ACTR3C: variants seen among roughly 807,000 people sequenced by gnomAD.
ACTR3C encodes the protein actin related protein 3C, also known as actin-related protein 3C.
Under a neutral mutation model 26.3 loss-of-function variants are expected in ACTR3C, and 18 were observed. The observed-to-expected ratio is 0.68, with a 90% CI of 0.47 to 1.01. The LOEUF (loss-of-function observed/expected upper bound fraction) is 1.01, where lower values mean the gene tolerates loss of function less well. Among genes scored for constraint, ACTR3C ranks in the 50% least tolerant of loss-of-function variants. The probability of loss-of-function intolerance (pLI) is 0.00; values close to 1 mark genes in which losing one functional copy is unlikely to be tolerated. For synonymous variants in ACTR3C, 55 were observed against 94.5 expected (o/e 0.58, Z 2.42); for missense variants, 184 against 250.7 (o/e 0.73, Z 1.80).
chr7:149,991,538 T>A, the ACTR3C span, among the ~76,000 whole-genome samples: 17 of 152,250 alleles, frequency 1.1e-4, no homozygotes, highest in Admixed American at 8.5e-4. Flanking sequence ...CTGTGATTGG[T>A]TTTGTTATCA....
intron 1 of ACTR3C, chr7:150,323,261 CCG>C (rs1797747657): frequency 4.0e-6 from 1 of 247,946 alleles, no homozygotes; most frequent in African/African-American, 2.4e-5. Flanking sequence ...GCGAAGACCC[CCG>C]CAGGCTGCGC....
chr7:150,149,411 G>T, the ACTR3C span, among the ~76,000 whole-genome samples: 110,582 of 150,874 alleles, frequency 0.73, 41,779 homozygotes, highest in East Asian at 0.98. Flanking sequence ...TTATTACATA[G>T]GTATACGTGT....
chr7:149,900,274 T>C, the ACTR3C span, among the ~76,000 whole-genome samples: 56,015 of 151,608 alleles, frequency 0.37, 10,508 homozygotes, highest in East Asian at 0.42. Flanking sequence ...CTCCCGGGTT[T>C]AAGCGATTCT....
chr7:150,030,528 G>T, the ACTR3C span, among the ~76,000 whole-genome samples: 1 of 152,116 alleles, frequency 6.6e-6, no homozygotes, highest in Non-Finnish European at 1.5e-5. Flanking sequence ...TGTATCCCAT[G>T]GTGTCAGCCT....
At chr7:150,318,378 G>A (rs189792933) in intron 1 of ACTR3C, among the ~76,000 whole-genome samples, 15 of 152,284 alleles carry the variant, frequency 9.9e-5, no homozygotes, top group Middle Eastern at 3.4e-3. Flanking sequence ...CTCCAGAACC[G>A]TGAGACAATA....
the ACTR3C span, among the ~76,000 whole-genome samples, chr7:149,911,421 G>T: frequency 6.6e-6 from 1 of 151,712 alleles, no homozygotes. Context: ...CTTTCTCATG[G>T]TTATATCTAC....
the ACTR3C span, among the ~76,000 whole-genome samples, chr7:150,231,489 T>C: frequency 6.6e-6 from 1 of 151,306 alleles, no homozygotes; most frequent in South Asian, 2.1e-4. Flanking sequence ...CTGGCTGCCC[T>C]TCACCTTCTG....
At chr7:150,234,507 C>A in the ACTR3C span, among the ~76,000 whole-genome samples, 1 of 152,168 alleles carries the variant, frequency 6.6e-6, no homozygotes, top group Admixed American at 6.5e-5. Context: ...GTAAAATCCA[C>A]AACTGTGTGG....
At chr7:150,162,310 AT>A in the ACTR3C span, among the ~76,000 whole-genome samples, 1 of 146,942 alleles carries the variant, frequency 6.8e-6, no homozygotes, top group African/African-American at 2.6e-5. Context: ...ACAGTGCTTA[AT>A]TAATAGGTTG....
the ACTR3C span, among the ~76,000 whole-genome samples, chr7:150,225,672 G>A: frequency 1.3e-5 from 2 of 152,338 alleles, no homozygotes; most frequent in South Asian, 4.1e-4. Flanking sequence ...CCTCTTCAGT[G>A]AGGTTGTGTA....
At chr7:150,252,286 AC>A (rs1317520874) in intron 6 of ACTR3C, among the ~76,000 whole-genome samples, 2 of 152,214 alleles carry the variant, frequency 1.3e-5, no homozygotes, top group Non-Finnish European at 2.9e-5. Context: ...GAGAACATGG[AC>A]ATATAAAGTA....
chr7:150,272,873 T>G (rs1457852457), intron 6 of ACTR3C, among the ~76,000 whole-genome samples: 2 of 137,926 alleles, frequency 1.5e-5, no homozygotes, highest in African/African-American at 3.1e-5. Flanking sequence ...AAATTTTTCT[T>G]TTGTAGAGAT....
chr7:149,946,422 C>A, the ACTR3C span, among the ~76,000 whole-genome samples: 1 of 152,230 alleles, frequency 6.6e-6, no homozygotes, highest in Non-Finnish European at 1.5e-5. Context: ...GCAAACAATT[C>A]CCCTTTTGCT....
the ACTR3C span, among the ~76,000 whole-genome samples, chr7:150,067,776 C>A: frequency 7.0e-6 from 1 of 142,986 alleles, no homozygotes; most frequent in Non-Finnish European, 1.5e-5. Flanking sequence ...GCTGAATTGC[C>A]CCACACAACA....
chr7:150,038,873 G>A, the ACTR3C span, among the ~76,000 whole-genome samples: 65 of 121,302 alleles, frequency 5.4e-4, 5 homozygotes, highest in Non-Finnish European at 1.0e-3. Flanking sequence ...CTCAGTCCCT[G>A]CCTCGCGGGG....
chr7:149,901,910 C>CAAAA, the ACTR3C span, among the ~76,000 whole-genome samples: 3 of 56,760 alleles, frequency 5.3e-5, 1 homozygote, highest in African/African-American at 2.2e-4. Context: ...GACTCTGTCT[C>CAAAA]AAAAAAAAAA....
the ACTR3C span, among the ~76,000 whole-genome samples, chr7:150,124,673 A>G: frequency 6.6e-6 from 1 of 151,494 alleles, no homozygotes; most frequent in Admixed American, 6.6e-5. Context: ...CCTCTCCTTC[A>G]CCCTTACTCA....
the ACTR3C span, among the ~76,000 whole-genome samples, chr7:150,038,999 C>CG: frequency 0.023 from 1,811 of 77,998 alleles, 328 homozygotes; most frequent in African/African-American, 0.12. Flanking sequence ...TCCTCAGAGC[C>CG]GGGGGGCGGG....
chr7:149,992,179 C>T, the ACTR3C span, among the ~76,000 whole-genome samples: 149 of 152,392 alleles, frequency 9.8e-4, no homozygotes, highest in Admixed American at 2.7e-3. Context: ...GATGCCTGCA[C>T]AGCACAGGTC....
Sources: allele counts gnomAD v4.1 joint callset (sites outside exome capture counted in the v4.1 genomes callset), GRCh38; gene constraint gnomAD v4.1.1; transcripts MANE v1.5; gene names NCBI Gene and HGNC (gene_info 2026-07-23, HGNC 2026-07-21).